PTPRF: variants seen among roughly 807,000 people sequenced by gnomAD.
The protein encoded by PTPRF is protein tyrosine phosphatase receptor type F.
A neutral mutation model predicts 201.8 loss-of-function variants in PTPRF; 59 were observed. The observed-to-expected ratio is 0.29, with a 90% CI of 0.24 to 0.36. The LOEUF (loss-of-function observed/expected upper bound fraction) is 0.36, where lower values mean the gene tolerates loss of function less well. PTPRF is among the 10% of genes least tolerant of loss of function. PTPRF has a pLI of 1.00. For synonymous variants in PTPRF, 1,088 were observed against 1,089.7 expected (o/e 1.00, Z 0.03); for missense variants, 2,132 against 2,690.5 (o/e 0.79, Z 4.59).
intron 1 of PTPRF, among the ~76,000 whole-genome samples, chr1:43,533,375 G>A (rs1643801734): frequency 6.6e-6 from 1 of 151,932 alleles, no homozygotes; most frequent in African/African-American, 2.4e-5. Flanking sequence ...ATCTTTTACT[G>A]GGAAGTGTAT....
intron 3 of PTPRF, among the ~76,000 whole-genome samples, chr1:43,547,202 C>A (rs61406331): frequency 6.6e-6 from 1 of 152,060 alleles, no homozygotes; most frequent in African/African-American, 2.4e-5. Context: ...TCACCCACCA[C>A]GCTGACTTCT....
Position 43,606,296 on chromosome 1 carries a change from A to T in PTPRF, c.3540A>T (p.Ala1180=). The T allele has an allele frequency of 6.2e-7, 1 of 1,614,016 alleles. No homozygotes were observed. The highest frequency in any genetic ancestry group is 8.5e-7 in the Non-Finnish European group (1 of 1,180,016). Residue 1180 remains alanine (A), a synonymous_variant, in exon 20 of 34, where the codon GCA becomes GCT. Transcript: ENST00000359947. ...GEEQRRRRRQ[A]ERLKPYVAAQ... ...AGCAGCGGCGGCGGCGGCGGCAGGC[A>T]GAACGTCTGAAGCCATATGTGGCTG...
upstream of PTPRF, among the ~76,000 whole-genome samples, chr1:43,530,270 G>T (rs1643325014): frequency 6.6e-6 from 1 of 151,942 alleles, no homozygotes; most frequent in African/African-American, 2.4e-5. This position sits in a 1 kb window ranked among gnomAD's most constrained non-coding sequence, Gnocchi z 4.1. Context: ...TAAGGCTTGG[G>T]GTTCAGAAGA....
At chr1:43,593,744 G>A (rs1651491160) in intron 11 of PTPRF, among the ~76,000 whole-genome samples, 1 of 144,766 alleles carries the variant, frequency 6.9e-6, no homozygotes, top group Admixed American at 6.8e-5. Context: ...CAGCACTTTG[G>A]GGAGGCCAAG....
At chr1:43,559,635 T>A (rs1237844681) in intron 5 of PTPRF, among the ~76,000 whole-genome samples, 1 of 151,010 alleles carries the variant, frequency 6.6e-6, no homozygotes, top group Non-Finnish European at 1.5e-5. Flanking sequence ...AGTGTGTGTA[T>A]GTATCAGGCG....
chr1:43,607,560 C>T (rs1006849843), intron 21 of PTPRF, among the ~76,000 whole-genome samples: 4 of 152,236 alleles, frequency 2.6e-5, no homozygotes, highest in African/African-American at 9.6e-5. Context: ...ATCCGTGCAC[C>T]TTCCAGCCTG....
intron 5 of PTPRF, among the ~76,000 whole-genome samples, chr1:43,559,496 C>T (rs533567801): frequency 1.5e-4 from 23 of 150,590 alleles, no homozygotes; most frequent in East Asian, 4.0e-4. Flanking sequence ...GTGTGCCGTG[C>T]GGCAGGCTAC....
chr1:43,575,391 C>G (rs911669628), intron 6 of PTPRF, among the ~76,000 whole-genome samples: 2 of 152,138 alleles, frequency 1.3e-5, no homozygotes, highest in African/African-American at 4.8e-5. Flanking sequence ...TCCTGCTGCC[C>G]GTTCCTCTCG....
At chr1:43,559,755 GTGTT>G (rs1218994161) in intron 5 of PTPRF, among the ~76,000 whole-genome samples, 2 of 151,216 alleles carry the variant, frequency 1.3e-5, no homozygotes, top group Admixed American at 6.6e-5. Context: ...GTGTGTGTGT[GTGTT>G]TGTACAGCAG....
At chr1:43,555,907 A>G (rs890991332) in intron 5 of PTPRF, among the ~76,000 whole-genome samples, 2 of 152,132 alleles carry the variant, frequency 1.3e-5, no homozygotes, top group Non-Finnish European at 2.9e-5. Flanking sequence ...CTTCCTGATT[A>G]TTCCCTTATT....
intron 6 of PTPRF, among the ~76,000 whole-genome samples, chr1:43,576,441 C>T (rs1051962835): frequency 3.9e-5 from 6 of 152,200 alleles, no homozygotes; most frequent in Non-Finnish European, 8.8e-5. Context: ...GGAATGTTCA[C>T]TTAAGAGTTC....
intron 11 of PTPRF, among the ~76,000 whole-genome samples, chr1:43,597,442 CGTGTGTGAGGCACTGAGACTGACACT>C (rs1344406343): frequency 6.6e-6 from 1 of 151,746 alleles, no homozygotes; most frequent in Non-Finnish European, 1.5e-5. Flanking sequence ...CTGTGTGAGA[CGTGTGTGAGGCACTGAGACTGACACT>C]GTGTGTGAGG....
intron 1 of PTPRF, among the ~76,000 whole-genome samples, chr1:43,532,829 C>CT (rs1051228951): frequency 6.6e-6 from 1 of 152,148 alleles, no homozygotes; most frequent in African/African-American, 2.4e-5. Context: ...ACAGGCCACA[C>CT]TTTCTCGTAC....
chr1:43,617,461 A>G lies in PTPRF; in HGVS notation c.4088A>G (p.Gln1363Arg). The change falls in exon 24 of 34, where the codon CAG (glutamine) becomes CGG (arginine). Residue 1363 changes from glutamine to arginine, a missense_variant. Physicochemically the swap from Gln to Arg is conservative, Grantham distance 43 (BLOSUM62 1). Coordinates refer to ENST00000359947, the MANE Select transcript of PTPRF (RefSeq NM_002840.5). ...SQEYESIDPG[Q>R]QFTWENSNLE... ...TCTCTGCAGTCCATCGACCCTGGAC[A>G]GCAGTTCACGTGGGAGAATTCAAAC... 1 of 1,614,172 alleles carries G rather than the reference A, an allele frequency of 6.2e-7. No individual in the cohort carries two copies. The highest frequency in any genetic ancestry group is 8.5e-7 in the Non-Finnish European group (1 of 1,180,028).
rs577605071 is a variant in PTPRF, at chr1:43,555,076, T to TCCTGA, written c.379+1139_379+1143dup. Among the ~76,000 whole-genome samples, 812 of 152,212 alleles carry TCCTGA rather than the reference T, an allele frequency of 5.3e-3. 5 individuals carry two copies. Among genetic ancestry groups the TCCTGA allele is most frequent in the African/African-American group, 0.018 (763 of 41,518 alleles). Reference sequence around the variant, plus strand: ...CATGTTGGTCAGGCTGGTCTCAAACTCCTGACCTCAGGTGATCCGCCTGCC... The same window carrying TCCTGA: ...CATGTTGGTCAGGCTGGTCTCAAACTCCTGACCTGACCTCAGGTGATCCGCCTGCC... On this transcript the variant is annotated intron_variant, in intron 5 of 33. Coordinates refer to ENST00000359947, the MANE Select transcript of PTPRF (RefSeq NM_002840.5).
intron 1 of PTPRF, 142 bp from the exon 2 acceptor site, chr1:43,538,056 A>T (rs1020009575): frequency 1.3e-5 from 5 of 393,652 alleles, no homozygotes; most frequent in Non-Finnish European, 2.2e-5. Flanking sequence ...TTTTTACCAG[A>T]TGGGGATGGT....
chr1:43,571,325 C>CT (rs1309836658), intron 6 of PTPRF, among the ~76,000 whole-genome samples: 1 of 152,208 alleles, frequency 6.6e-6, no homozygotes, highest in Non-Finnish European at 1.5e-5. Context: ...TGCCTTTGCC[C>CT]TATGGACACA....
At chr1:43,594,803 C>T (rs1651838394) in intron 11 of PTPRF, among the ~76,000 whole-genome samples, 1 of 152,122 alleles carries the variant, frequency 6.6e-6, no homozygotes, top group African/African-American at 2.4e-5. Flanking sequence ...CACCCAAGTT[C>T]AAGATGCCGT....
chr1:43,591,665 C>A, intron 9 of PTPRF, 112 bp downstream of exon 9: 1 of 1,436,546 alleles, frequency 7.0e-7, no homozygotes, highest in Non-Finnish European at 9.3e-7. Flanking sequence ...TTGGGAGGAT[C>A]AAGGTGCCGT....
Sources: gnomAD v4.1 joint callset for allele counts (sites outside exome capture counted in the v4.1 genomes callset) on GRCh38, gnomAD v4.1.1 for gene constraint, Gnocchi (gnomAD v3.1) non-coding constraint, MANE v1.5 for transcripts, NCBI Gene and HGNC (gene_info 2026-07-23, HGNC 2026-07-21) for gene names.